Variants in MALRD1 observed in about 807,000 individuals in gnomAD.
The protein encoded by MALRD1 is MAM and LDL-receptor class A domain-containing protein 1.
In MALRD1, 247 loss-of-function variants were observed where a neutral mutation model predicts 242.1. The ratio of observed to expected loss-of-function variants is 1.02; its 90% CI spans 0.92 to 1.13. The LOEUF is 1.13. Among genes scored for constraint, MALRD1 ranks in the 50% most tolerant of loss-of-function variants. The pLI is 0.00. For synonymous variants in MALRD1, 995 were observed against 866.6 expected (o/e 1.15, Z -2.60); for missense variants, 2,989 against 2,533.1 (o/e 1.18, Z -3.86).
At chr10:19,323,188 G>C (rs1404307795) in intron 21 of MALRD1, among the ~76,000 whole-genome samples, 1 of 152,108 alleles carries the variant, frequency 6.6e-6, no homozygotes, top group Admixed American at 6.6e-5. Context: ...GAGTAAATTT[G>C]AATGGAAACC....
At position 19,520,938 on chromosome 10, in the gene MALRD1, A is replaced by G. The variant is rs116059745; in HGVS notation, c.5321-10256A>G. On this transcript the variant is annotated intron_variant, in intron 31 of 39. Transcript: ENST00000454679. ...CAAATATTCCTTCCTTTACTTTGGT[A>G]TATTTGTCTACATTTATTTAAAATA... 2.1e-3 allele frequency among the ~76,000 whole-genome samples: 322 copies of G among 152,290 alleles called. 2 individuals are homozygous for G. Among genetic ancestry groups the G allele is most frequent in the African/African-American group, 6.4e-3 (265 of 41,570 alleles).
At chr10:19,619,060 A>G (rs140609821) in intron 36 of MALRD1, among the ~76,000 whole-genome samples, 225 of 152,174 alleles carry the variant, frequency 1.5e-3, no homozygotes, top group African/African-American at 5.1e-3. Flanking sequence ...ACGACGCCAG[A>G]TCTCATTCAG....
At chr10:19,601,834 A>T (rs1422341462) in intron 34 of MALRD1, among the ~76,000 whole-genome samples, 2 of 152,118 alleles carry the variant, frequency 1.3e-5, no homozygotes, top group African/African-American at 2.4e-5. Flanking sequence ...GATGAGTAGT[A>T]TCTGCCATAT....
At chr10:19,634,409 C>T (rs1450312454) in intron 36 of MALRD1, among the ~76,000 whole-genome samples, 1 of 152,028 alleles carries the variant, frequency 6.6e-6, no homozygotes, top group South Asian at 2.1e-4. Flanking sequence ...AAATTAGGCC[C>T]ATTTTTGTGA....
intron 26 of MALRD1, among the ~76,000 whole-genome samples, chr10:19,364,734 C>T (rs1489254608): frequency 1.3e-5 from 2 of 152,104 alleles, no homozygotes; most frequent in Non-Finnish European, 2.9e-5. Context: ...TCCCAATGAA[C>T]TGAATTTGTT....
chr10:19,340,233 A>G (rs1291367749), intron 24 of MALRD1, among the ~76,000 whole-genome samples: 1 of 152,154 alleles, frequency 6.6e-6, no homozygotes. Flanking sequence ...AGAGAATGGG[A>G]TATCTACCCT....
At chr10:19,312,031 C>A (rs955796469) in intron 21 of MALRD1, among the ~76,000 whole-genome samples, 1 of 151,134 alleles carries the variant, frequency 6.6e-6, no homozygotes, top group East Asian at 1.9e-4. Flanking sequence ...TATAAATAAC[C>A]GATAAAGGCA....
intron 18 of MALRD1, among the ~76,000 whole-genome samples, chr10:19,234,695 A>T (rs1298213181): frequency 6.6e-6 from 1 of 152,150 alleles, no homozygotes; most frequent in Non-Finnish European, 1.5e-5. Flanking sequence ...TTGAAAATAG[A>T]TCCTACTATA....
At chr10:19,718,226 A>G (rs756333161) in intron 38 of MALRD1, among the ~76,000 whole-genome samples, 2 of 148,434 alleles carry the variant, frequency 1.3e-5, no homozygotes, top group Admixed American at 6.7e-5. Flanking sequence ...AGAAGAAGCA[A>G]CAGCAGCAGC....
intron 36 of MALRD1, among the ~76,000 whole-genome samples, chr10:19,676,722 T>A (rs1414190754): frequency 6.6e-6 from 1 of 152,198 alleles, no homozygotes; most frequent in Non-Finnish European, 1.5e-5. Context: ...GCAGGTTTGT[T>A]ACATAGGTAA....
chr10:19,540,802 A>G (rs1304689075), intron 32 of MALRD1, among the ~76,000 whole-genome samples: 1 of 152,196 alleles, frequency 6.6e-6, no homozygotes. Flanking sequence ...ATTTACAAAA[A>G]TATATATATT....
At chr10:19,174,527 C>G (rs1353989880) in intron 13 of MALRD1, among the ~76,000 whole-genome samples, 2 of 151,980 alleles carry the variant, frequency 1.3e-5, no homozygotes, top group Admixed American at 6.6e-5. Context: ...TAAATTACTT[C>G]TTCCTTTCCC....
chr10:19,482,014 A>G (rs1837016806), intron 29 of MALRD1, among the ~76,000 whole-genome samples: 1 of 152,112 alleles, frequency 6.6e-6, no homozygotes, highest in East Asian at 1.9e-4. Flanking sequence ...TGTTTCTGGC[A>G]TGAATAAATG....
intron 18 of MALRD1, among the ~76,000 whole-genome samples, chr10:19,234,837 T>C (rs1177974902): frequency 6.6e-6 from 1 of 152,080 alleles, no homozygotes; most frequent in Non-Finnish European, 1.5e-5. Flanking sequence ...ACAAAGGGGA[T>C]GGCATCTGAC....
chr10:19,589,707 T>C (rs1837660198), intron 33 of MALRD1, among the ~76,000 whole-genome samples: 1 of 152,168 alleles, frequency 6.6e-6, no homozygotes, highest in South Asian at 2.1e-4. Context: ...GGAATGTTTT[T>C]ATTTTCTCAT....
intron 36 of MALRD1, among the ~76,000 whole-genome samples, chr10:19,616,503 C>A (rs1367483526): frequency 6.6e-6 from 1 of 151,856 alleles, no homozygotes; most frequent in Non-Finnish European, 1.5e-5. Flanking sequence ...CTTCTCTCAC[C>A]CTTTGGGGAA....
At chr10:19,164,769 C>T (rs1282043258) in intron 12 of MALRD1, among the ~76,000 whole-genome samples, 1 of 152,072 alleles carries the variant, frequency 6.6e-6, no homozygotes, top group Non-Finnish European at 1.5e-5. Flanking sequence ...CTACTGCTAT[C>T]AGCACCTGGC....
chr10:19,065,931 A>T (rs1834966443), intron 1 of MALRD1, among the ~76,000 whole-genome samples: 1 of 152,136 alleles, frequency 6.6e-6, no homozygotes, highest in African/African-American at 2.4e-5. Context: ...TGAAATTCTG[A>T]TATGCCTGCA....
chr10:19,265,246 T>C (rs912371550), intron 19 of MALRD1, among the ~76,000 whole-genome samples: 4 of 152,056 alleles, frequency 2.6e-5, no homozygotes, highest in African/African-American at 9.6e-5. Flanking sequence ...TATTAGTTCC[T>C]TCTTTCTATT....
Sources: allele counts gnomAD v4.1 joint callset (sites outside exome capture counted in the v4.1 genomes callset), GRCh38; gene constraint gnomAD v4.1.1; transcripts MANE v1.5; gene names NCBI Gene and HGNC (gene_info 2026-07-23, HGNC 2026-07-21).